Variants in CSMD1 observed in about 807,000 individuals in gnomAD.
CSMD1 encodes the protein CUB and sushi domain-containing protein 1.
Under a neutral mutation model 417.5 loss-of-function variants are expected in CSMD1, and 213 were observed. That is an observed-to-expected ratio of 0.51 (90% CI 0.46 to 0.57). The LOEUF is 0.57. CSMD1 is among the 20% of genes least tolerant of loss of function. The pLI, the probability that CSMD1 is intolerant of heterozygous loss-of-function variation, is 0.00. For synonymous variants in CSMD1, 2,862 were observed against 1,736.8 expected (o/e 1.65, Z -16.11); for missense variants, 6,923 against 4,529.7 (o/e 1.53, Z -15.17).
intron 22 of CSMD1, among the ~76,000 whole-genome samples, chr8:3,344,631 G>C (rs1807869388): frequency 6.6e-6 from 1 of 152,054 alleles, no homozygotes; most frequent in Non-Finnish European, 1.5e-5. Flanking sequence ...TAGAAAAATG[G>C]TACCCTAACT....
chr8:3,887,437 C>T (rs935845492), intron 5 of CSMD1, among the ~76,000 whole-genome samples: 1 of 152,026 alleles, frequency 6.6e-6, no homozygotes, highest in Non-Finnish European at 1.5e-5. Flanking sequence ...AATTATAGAC[C>T]CTATCCATGA....
At chr8:4,542,001 C>G (rs1167673103) in intron 2 of CSMD1, among the ~76,000 whole-genome samples, 1 of 152,090 alleles carries the variant, frequency 6.6e-6, no homozygotes, top group Non-Finnish European at 1.5e-5. Flanking sequence ...ATGCTGTGAG[C>G]CACACTCTGT....
At chr8:3,597,739 G>C (rs1045793056) in intron 8 of CSMD1, among the ~76,000 whole-genome samples, 2 of 151,958 alleles carry the variant, frequency 1.3e-5, no homozygotes, top group African/African-American at 4.8e-5. Flanking sequence ...CACAAGAAGA[G>C]AAAACCAAAC....
chr8:4,324,016 C>G (rs1398402121), intron 3 of CSMD1, among the ~76,000 whole-genome samples: 1 of 152,292 alleles, frequency 6.6e-6, no homozygotes. Flanking sequence ...GCAGGCACAG[C>G]CACACCCTTA....
At chr8:4,730,577 A>G (rs1023466156) in intron 1 of CSMD1, among the ~76,000 whole-genome samples, 3 of 151,902 alleles carry the variant, frequency 2.0e-5, no homozygotes, top group Non-Finnish European at 4.4e-5. Flanking sequence ...CGTCTCTACT[A>G]AAAATACAAA....
intron 3 of CSMD1, among the ~76,000 whole-genome samples, chr8:4,212,365 T>C (rs998255144): frequency 7.9e-5 from 12 of 152,088 alleles, no homozygotes; most frequent in African/African-American, 2.7e-4. Flanking sequence ...TAAAAGGCTT[T>C]ACACATAGAG....
At chr8:3,859,357 G>C (rs571611623) in intron 5 of CSMD1, among the ~76,000 whole-genome samples, 12 of 152,210 alleles carry the variant, frequency 7.9e-5, no homozygotes, top group African/African-American at 2.6e-4. Context: ...TAATATTTTA[G>C]GTCCAGAAAT....
At position 2,965,927 on chromosome 8, in the gene CSMD1, A is replaced by T. The variant is rs1298340909; in HGVS notation, c.9128T>A (p.Leu3043Gln). 6.2e-7 allele frequency: 1 copy of T among 1,608,758 alleles called. No individual in the cohort carries two copies. Among genetic ancestry groups the T allele is most frequent in the Admixed American group, 1.7e-5 (1 of 59,416 alleles). ...GGTCCCAAACTGGATGCCATTTGCTAGTGTGCCTGGATCCCCACAACTTAT... is the reference window on the plus strand; with the variant it reads ...GGTCCCAAACTGGATGCCATTTGCTTGTGTGCCTGGATCCCCACAACTTAT... ...TIISCGDPGTLANGIQFGTDF... is the reference protein window; with the variant it reads ...TIISCGDPGTQANGIQFGTDF... The change falls in exon 59 of 70, where the codon CTA (leucine) becomes CAA (glutamine). Residue 3043 changes from leucine to glutamine, a missense_variant. Physicochemically the swap from Leu to Gln is moderately radical, Grantham distance 113 (BLOSUM62 -2). Coordinates refer to ENST00000635120, the MANE Select transcript of CSMD1 (RefSeq NM_033225.6).
chr8:4,258,105 G>A (rs58350496), intron 3 of CSMD1, among the ~76,000 whole-genome samples: 12,863 of 150,916 alleles, frequency 0.085, 1,369 homozygotes, highest in African/African-American at 0.25. Flanking sequence ...TACCATTCCC[G>A]GCTATTTTTT....
chr8:3,261,953 G>C (rs373558382), intron 26 of CSMD1, among the ~76,000 whole-genome samples: 2 of 151,852 alleles, frequency 1.3e-5, no homozygotes, highest in Non-Finnish European at 2.9e-5. Flanking sequence ...CAACGCGTGG[G>C]CTGTGATAGT....
At chr8:2,973,889 GGATGATGGTA>G in intron 56 of CSMD1, among the ~76,000 whole-genome samples, 1 of 149,852 alleles carries the variant, frequency 6.7e-6, no homozygotes, top group Non-Finnish European at 1.5e-5. Flanking sequence ...TGATGGTAGA[GGATGATGGTA>G]GAGGATGGTG....
intron 5 of CSMD1, among the ~76,000 whole-genome samples, chr8:3,841,168 TTG>T (rs1232830035): frequency 5.3e-5 from 8 of 152,148 alleles, no homozygotes; most frequent in Non-Finnish European, 1.5e-5. Flanking sequence ...ATGGTGGAAA[TTG>T]TGTTTTTATG....
At chr8:3,453,017 G>C (rs979989525) in intron 12 of CSMD1, among the ~76,000 whole-genome samples, 3 of 152,154 alleles carry the variant, frequency 2.0e-5, no homozygotes, top group African/African-American at 7.2e-5. Flanking sequence ...TCTATTCAGA[G>C]ATTCAACTTC....
intron 5 of CSMD1, among the ~76,000 whole-genome samples, chr8:3,927,024 CT>C (rs1448159134): frequency 6.6e-6 from 1 of 151,724 alleles, no homozygotes; most frequent in Admixed American, 6.6e-5. Context: ...AAATTGGCAT[CT>C]TTAAAAGTAC....
intron 5 of CSMD1, among the ~76,000 whole-genome samples, chr8:3,771,246 G>A (rs755434047): frequency 2.4e-4 from 36 of 152,088 alleles, no homozygotes; most frequent in Non-Finnish European, 2.9e-4. Context: ...GTTTGGCTCC[G>A]TGAGCCACTC....
At chr8:3,548,400 G>C (rs1317551092) in intron 10 of CSMD1, among the ~76,000 whole-genome samples, 1 of 151,964 alleles carries the variant, frequency 6.6e-6, no homozygotes, top group African/African-American at 2.4e-5. Context: ...TATCACCTGA[G>C]CAGTATACAC....
intron 7 of CSMD1, among the ~76,000 whole-genome samples, chr8:3,675,059 G>C (rs1020781371): frequency 2.0e-5 from 3 of 152,146 alleles, no homozygotes; most frequent in African/African-American, 7.2e-5. Flanking sequence ...CCACCTTTTG[G>C]AAACCTGACG....
At chr8:3,638,219 G>T (rs1177532644) in intron 7 of CSMD1, among the ~76,000 whole-genome samples, 1 of 152,004 alleles carries the variant, frequency 6.6e-6, no homozygotes, top group African/African-American at 2.4e-5. Context: ...TCAGAACTGG[G>T]CTTTAAAACA....
At chr8:3,315,543 C>G (rs1805694257) in intron 23 of CSMD1, among the ~76,000 whole-genome samples, 1 of 151,720 alleles carries the variant, frequency 6.6e-6, no homozygotes, top group Non-Finnish European at 1.5e-5. Context: ...CTCTTGTTAG[C>G]TACTATTTTC....
Sources: allele counts gnomAD v4.1 joint callset (sites outside exome capture counted in the v4.1 genomes callset), GRCh38; gene constraint gnomAD v4.1.1; transcripts MANE v1.5; gene names NCBI Gene and HGNC (gene_info 2026-07-23, HGNC 2026-07-21).